ANKRD30B: variants seen among roughly 807,000 people sequenced by gnomAD.
ANKRD30B encodes the protein ankyrin repeat domain-containing protein 30B.
ANKRD30B carries 144 observed loss-of-function variants against 202.2 expected under a neutral mutation model. The ratio of observed to expected loss-of-function variants is 0.71; its 90% CI spans 0.62 to 0.82. The LOEUF (loss-of-function observed/expected upper bound fraction) is 0.82. Ranked by LOEUF, ANKRD30B falls within the 40% of genes least tolerant of loss-of-function variation. The pLI is 0.00. For missense variants in ANKRD30B, 1,487 were observed against 1,669.1 expected (o/e 0.89, Z 1.90); for synonymous variants, 508 against 561.3 (o/e 0.91, Z 1.34).
At chr18:14,787,744 C>G (rs1408658379) in intron 15 of ANKRD30B, among the ~76,000 whole-genome samples, 1 of 152,020 alleles carries the variant, frequency 6.6e-6, no homozygotes, top group Admixed American at 6.6e-5. Context: ...GCAGCATGAG[C>G]GTGAAATAAT....
At chr18:14,808,321 T>C in intron 24 of ANKRD30B, 1 of 545,908 alleles carries the variant, frequency 1.8e-6, no homozygotes, top group Non-Finnish European at 3.4e-6. Context: ...ATTTTGACTG[T>C]TGAAATCTTC....
At chr18:14,936,328 G>A in the ANKRD30B span, among the ~76,000 whole-genome samples, 2 of 152,118 alleles carry the variant, frequency 1.3e-5, no homozygotes, top group African/African-American at 4.8e-5. Context: ...GGCTGCCAAA[G>A]GTACATCTAA....
chr18:14,876,610 A>G, the ANKRD30B span, among the ~76,000 whole-genome samples: 5 of 152,326 alleles, frequency 3.3e-5, no homozygotes, highest in African/African-American at 1.2e-4. Context: ...GTTAGATTTA[A>G]GGAAGGACTT....
At chr18:14,874,604 A>T in the ANKRD30B span, among the ~76,000 whole-genome samples, 2 of 152,168 alleles carry the variant, frequency 1.3e-5, no homozygotes, top group South Asian at 4.1e-4. Flanking sequence ...CAAAAAAAAA[A>T]GTGTTTACAG....
chr18:14,856,328 C>A (rs1972105875), downstream of ANKRD30B, among the ~76,000 whole-genome samples: 1 of 123,248 alleles, frequency 8.1e-6, no homozygotes, highest in Admixed American at 7.6e-5. Flanking sequence ...GGCAGAGGCG[C>A]TCCTCACCTC....
the ANKRD30B span, among the ~76,000 whole-genome samples, chr18:14,928,025 T>C: frequency 6.6e-6 from 1 of 151,992 alleles, no homozygotes; most frequent in Non-Finnish European, 1.5e-5. Flanking sequence ...TGGAGTGCAA[T>C]GGTGCTATCT....
chr18:14,783,991 A>G (rs1276080520), intron 12 of ANKRD30B, among the ~76,000 whole-genome samples: 1 of 152,194 alleles, frequency 6.6e-6, no homozygotes, highest in Non-Finnish European at 1.5e-5. Flanking sequence ...GAACATGATG[A>G]ATAGAATAAT....
rs763927374 is a variant in ANKRD30B, at chr18:14,799,180, G to A, written c.2059-43G>A. The A allele has an allele frequency of 3.1e-6, 5 of 1,588,080 alleles. No individual in the cohort carries two copies. In the South Asian group the frequency reaches 3.4e-5, roughly 11 times the overall value. On this transcript the variant is annotated intron_variant, in intron 21 of 43. Transcript: ENST00000690538. ...GAATATTACCTACATATTTTATGAA[G>A]TATACATTATATGTTAATTTTTGTG...
At chr18:14,861,695 C>A in the ANKRD30B span, among the ~76,000 whole-genome samples, 1 of 150,980 alleles carries the variant, frequency 6.6e-6, no homozygotes, top group Non-Finnish European at 1.5e-5. Flanking sequence ...AACACCCCAC[C>A]GACAGCAGTA....
At chr18:14,848,418 G>T (rs1971743029) in intron 39 of ANKRD30B, among the ~76,000 whole-genome samples, 1 of 151,990 alleles carries the variant, frequency 6.6e-6, no homozygotes, top group Admixed American at 6.6e-5. Context: ...CATTCCTCGG[G>T]GGAATTTTCC....
the ANKRD30B span, among the ~76,000 whole-genome samples, chr18:14,938,776 C>T: frequency 6.6e-6 from 1 of 152,180 alleles, no homozygotes; most frequent in Non-Finnish European, 1.5e-5. Context: ...TGCTCACCTC[C>T]TGTTATTAGT....
At chr18:14,938,600 C>T in the ANKRD30B span, among the ~76,000 whole-genome samples, 19 of 152,316 alleles carry the variant, frequency 1.2e-4, no homozygotes, top group African/African-American at 3.8e-4. Flanking sequence ...ACCTCAGTCA[C>T]AGGACATGGC....
intron 11 of ANKRD30B, among the ~76,000 whole-genome samples, chr18:14,780,782 G>T (rs554038719): frequency 6.7e-6 from 1 of 149,132 alleles, no homozygotes; most frequent in Non-Finnish European, 1.5e-5. Flanking sequence ...TGACATACGT[G>T]TATTGTCCAG....
the ANKRD30B span, among the ~76,000 whole-genome samples, chr18:14,937,759 T>C: frequency 1.3e-5 from 2 of 152,250 alleles, no homozygotes; most frequent in Non-Finnish European, 1.5e-5. Flanking sequence ...GCTTCGCCTT[T>C]CGTTGCTTCA....
the ANKRD30B span, among the ~76,000 whole-genome samples, chr18:14,930,807 C>G: frequency 1.2e-4 from 19 of 152,302 alleles, no homozygotes; most frequent in East Asian, 3.5e-3. Flanking sequence ...TCACAGATCT[C>G]CAGGTAGAAG....
At chr18:14,817,189 TTTTG>T (rs1970159918) in intron 30 of ANKRD30B, 1 of 152,206 alleles carries the variant, frequency 6.6e-6, no homozygotes, top group African/African-American at 2.4e-5. Flanking sequence ...GTCAACAAGG[TTTTG>T]TTTAAGTGTA....
Position 14,760,501 on chromosome 18 carries a change from T to G in ANKRD30B, c.756-53T>G, listed in dbSNP as rs569045161. 7 of 1,040,570 alleles carry G rather than the reference T, an allele frequency of 6.7e-6. No homozygotes were observed. In the East Asian group the frequency reaches 1.6e-4, roughly 24 times the overall value. The allele number at this position is 1,040,570 out of a possible 1,614,324, so 64.5% of individuals were successfully genotyped here. On this transcript the variant is annotated intron_variant, in intron 5 of 43. Transcript: ENST00000690538. Reference sequence around the variant, plus strand: ...AAGAACTTAATAAATTTGGTAAATGTTTTTTATATCTTGTTAAAATAGTAA... The same window carrying G: ...AAGAACTTAATAAATTTGGTAAATGGTTTTTATATCTTGTTAAAATAGTAA...
intron 32 of ANKRD30B, among the ~76,000 whole-genome samples, chr18:14,827,144 C>CTTCA: frequency 6.6e-6 from 1 of 152,220 alleles, no homozygotes; most frequent in Non-Finnish European, 1.5e-5. Flanking sequence ...TCATGTGACC[C>CTTCA]TGGATCATTG....
the ANKRD30B span, among the ~76,000 whole-genome samples, chr18:14,877,308 GATGAATGA>G: frequency 0.47 from 52,711 of 111,252 alleles, 9,892 homozygotes; most frequent in East Asian, 0.68. Context: ...CTCAATAAAT[GATGAATGA>G]ATGAATGAAT....
Sources: gnomAD v4.1 joint callset for allele counts (sites outside exome capture counted in the v4.1 genomes callset) on GRCh38, gnomAD v4.1.1 for gene constraint, MANE v1.5 for transcripts, NCBI Gene and HGNC (gene_info 2026-07-23, HGNC 2026-07-21) for gene names.